The following STARD4 variants were observed in gnomAD, a reference collection of about 807,000 sequenced individuals.
The protein encoded by STARD4 is stAR-related lipid transfer protein 4.
STARD4 carries 33 observed loss-of-function variants against 24.9 expected under a neutral mutation model. The observed-to-expected ratio is 1.32, with a 90% confidence interval of 1.00 to 1.77. STARD4 has a LOEUF of 1.77. Ranked by LOEUF, STARD4 falls within the 40% of genes most tolerant of loss-of-function variation. STARD4 has a pLI of 0.00. For missense variants in STARD4, 238 were observed against 249.3 expected, an observed-to-expected ratio of 0.95 and a Z score of 0.31; for synonymous variants, 88 against 77.4, an observed-to-expected ratio of 1.14 and a Z score of -0.72.
Position 111,496,560 on chromosome 5 carries a change from G to A in STARD4, c.*3326C>T, listed in dbSNP as rs1268448204. ...GTACACTCTTGAGAAAAGAGTTAAA[G>A]CTTTTATTTGTATGAAAGGCAATTA... On this transcript the variant is annotated 3_prime_UTR_variant, in exon 6 of 6. Coordinates refer to ENST00000296632, the MANE Select transcript of STARD4 (RefSeq NM_139164.3). 1 of 152,068 alleles carries A rather than the reference G, an allele frequency of 6.6e-6. No individual in the cohort carries two copies. The highest frequency in any genetic ancestry group is 1.5e-5 in the Non-Finnish European group (1 of 67,960). 9.4% of individuals were successfully genotyped at this position (152,068 alleles called of 1,614,324 possible).
intron 1 of STARD4, among the ~76,000 whole-genome samples, chr5:111,509,597 CTG>C (rs1757099571): frequency 6.6e-6 from 1 of 152,122 alleles, no homozygotes; most frequent in Admixed American, 6.5e-5. Context: ...GACAGCAACT[CTG>C]TACTGTAATT....
At position 111,501,009 on chromosome 5, in the gene STARD4, T is replaced by C. The variant is rs149470983; in HGVS notation, c.390A>G (p.Leu130=). Residue 130 remains leucine (L), a synonymous_variant, in exon 5 of 6, where the codon TTA becomes TTG. Transcript: ENST00000296632. ...SYTVGYKEGL[L]SCGISLDWDE... The stretch of plus-strand genomic sequence containing the variant: ...ACATGTTGAGATTATTACCACAAGA[T>C]AAAAGCCCTTCTTTATAGCCCACAG... The C allele has an allele frequency of 8.0e-5, 129 of 1,613,746 alleles. 2 individuals carry two copies. The African/African-American group carries it at 1.4e-3, about 17-fold the overall frequency.
intron 2 of STARD4, 35 bp from the exon 3 acceptor site, chr5:111,506,414 C>A: frequency 9.2e-7 from 1 of 1,088,532 alleles, no homozygotes. Context: ...GTAATAATTG[C>A]ATAGGTGGAA....
Position 111,507,269 on chromosome 5 carries a change from C to A in STARD4, c.105+60G>T. Reference sequence around the variant, plus strand: ...TATTGTTCCATTTAATTTTAAAAGTCATCAACCAATTCATTAGATAGAAGA... The same window carrying A: ...TATTGTTCCATTTAATTTTAAAAGTAATCAACCAATTCATTAGATAGAAGA... On this transcript the variant is annotated intron_variant, in intron 2 of 5. Coordinates refer to ENST00000296632, the MANE Select transcript of STARD4 (RefSeq NM_139164.3). The surrounding 1 kb of genome is among the most constrained non-coding windows in gnomAD (Gnocchi z 4.4). The A allele has an allele frequency of 2.2e-6, 3 of 1,385,618 alleles. No homozygotes were observed. The South Asian group carries it at 3.8e-5, about 18-fold the overall frequency. The allele number at this position is 1,385,618 out of a possible 1,614,324, so 85.8% of individuals were successfully genotyped here.
intron 3 of STARD4, among the ~76,000 whole-genome samples, chr5:111,504,389 AAAAG>A (rs1241966034): frequency 6.6e-6 from 1 of 152,224 alleles, no homozygotes; most frequent in Non-Finnish European, 1.5e-5. Context: ...ATTTAATAAA[AAAAG>A]GCAAATTACT....
chr5:111,505,706 T>A (rs568988339), intron 3 of STARD4, among the ~76,000 whole-genome samples: 4 of 152,234 alleles, frequency 2.6e-5, no homozygotes, highest in Non-Finnish European at 4.4e-5. Context: ...TTCTTCAAGA[T>A]AAGTTCCTAA....
chr5:111,502,850 A>G (rs1202195403), intron 3 of STARD4, among the ~76,000 whole-genome samples: 2 of 151,838 alleles, frequency 1.3e-5, no homozygotes, highest in Admixed American at 1.3e-4. Context: ...ATAAATCCCA[A>G]TAACTTTTCT....
intron 5 of STARD4, chr5:111,500,625 A>G: frequency 8.7e-7 from 1 of 1,154,192 alleles, no homozygotes; most frequent in African/African-American, 1.6e-5. Context: ...AATACAACAC[A>G]GCTCAAGGAA....
intron 1 of STARD4, among the ~76,000 whole-genome samples, chr5:111,509,560 G>T (rs152880): frequency 0.17 from 25,558 of 151,896 alleles, 2,280 homozygotes; most frequent in African/African-American, 0.21. Flanking sequence ...CCCTGAACCT[G>T]GGTTAGTTCC....
chr5:111,500,736 C>A, intron 5 of STARD4: 1 of 1,407,004 alleles, frequency 7.1e-7, no homozygotes, highest in Non-Finnish European at 9.2e-7. Context: ...TTACTAGAAC[C>A]CTTTCTTAGA....
At chr5:111,500,455 T>C (rs1756354248) in intron 5 of STARD4, 3 of 1,057,732 alleles carry the variant, frequency 2.8e-6, no homozygotes, top group Non-Finnish European at 2.3e-6. Flanking sequence ...ACTACCATAT[T>C]ATAGTTTGGT....
At chr5:111,505,943 G>C (rs1327342157) in intron 3 of STARD4, among the ~76,000 whole-genome samples, 1 of 152,082 alleles carries the variant, frequency 6.6e-6, no homozygotes, top group Non-Finnish European at 1.5e-5. Context: ...GCTCATGCCT[G>C]CAATCCCAGC....
intron 3 of STARD4, chr5:111,505,070 CAT>C (rs756039774): frequency 2.2e-6 from 1 of 453,832 alleles, no homozygotes; most frequent in South Asian, 1.6e-5. Context: ...CAGTGTTTCT[CAT>C]ATGTGTTTAT....
At chr5:111,503,125 C>G (rs1243197484) in intron 3 of STARD4, among the ~76,000 whole-genome samples, 1 of 151,946 alleles carries the variant, frequency 6.6e-6, no homozygotes, top group Admixed American at 6.6e-5. Flanking sequence ...AGAAATAGGC[C>G]AATAGAACAG....
chr5:111,510,362 T>A (rs1757165777), intron 1 of STARD4, among the ~76,000 whole-genome samples: 1 of 152,210 alleles, frequency 6.6e-6, no homozygotes, highest in African/African-American at 2.4e-5. Flanking sequence ...AACACCTAAT[T>A]TGCCCTCCTG....
rs1237347069 is a variant in STARD4 at position 111,497,968 on chromosome 5, T to TG, written c.*1917dup. ...AGACAAAAGGAATCTTTTGGAATGA[T>TG]GGAAACGTTCTAAATCCAGATTGTG... On this transcript the variant is annotated 3_prime_UTR_variant, in exon 6 of 6. Coordinates refer to ENST00000296632, the MANE Select transcript of STARD4 (RefSeq NM_139164.3). The TG allele has an allele frequency of 1.3e-5, 2 of 152,114 alleles. No individual in the cohort carries two copies. The highest frequency in any genetic ancestry group is 4.8e-5 in the African/African-American group (2 of 41,460). The allele number at this position is 152,114 out of a possible 1,614,324, so 9.4% of individuals were successfully genotyped here.
chr5:111,500,986 A>T lies in STARD4; in HGVS notation c.397+16T>A. 1 of 1,613,812 alleles carries T rather than the reference A, an allele frequency of 6.2e-7. No homozygotes were observed. The highest frequency in any genetic ancestry group is 8.5e-7 in the Non-Finnish European group (1 of 1,179,892). ...AAACCATACTGAAAAAAAGCATAAC[A>T]TGTTGAGATTATTACCACAAGATAA... On this transcript the variant is annotated intron_variant, in intron 5 of 5. Coordinates refer to ENST00000296632, the MANE Select transcript of STARD4 (RefSeq NM_139164.3).
rs1302995022 is a variant in STARD4, at chr5:111,507,024, T to C, written c.105+305A>G. 2.0e-5 allele frequency among the ~76,000 whole-genome samples: 3 copies of C among 152,174 alleles called. No individual in the cohort carries two copies. The highest frequency in any genetic ancestry group is 2.0e-4 in the Admixed American group (3 of 15,280). ...TTCCAAACTCTCAAGTACTACACTT[T>C]CTTAAATTAATAATGATACATTTTA... On this transcript the variant is annotated intron_variant, in intron 2 of 5. Transcript: ENST00000296632. This position sits in a 1 kb window ranked among gnomAD's most constrained non-coding sequence, Gnocchi z 4.4.
intron 4 of STARD4, among the ~76,000 whole-genome samples, 192 bp from the exon 5 acceptor site, chr5:111,501,308 G>T (rs1035878856): frequency 6.6e-6 from 1 of 152,150 alleles, no homozygotes; most frequent in Non-Finnish European, 1.5e-5. Flanking sequence ...CCATGAAGAA[G>T]ATATATAATC....
Sources: allele counts gnomAD v4.1 joint callset (sites outside exome capture counted in the v4.1 genomes callset), GRCh38; gene constraint gnomAD v4.1.1; non-coding constraint Gnocchi (gnomAD v3.1); transcripts MANE v1.5; gene names NCBI Gene and HGNC (gene_info 2026-07-23, HGNC 2026-07-21).